The following FCHSD2 variants were observed in gnomAD, a reference collection of about 807,000 sequenced individuals.
FCHSD2 encodes the protein FCH and double SH3 domains 2.
Under a neutral mutation model 108.1 loss-of-function variants are expected in FCHSD2, and 38 were observed. The ratio of observed to expected loss-of-function variants is 0.35; its 90% confidence interval spans 0.27 to 0.46. The LOEUF is 0.46. Among genes scored for constraint, FCHSD2 ranks in the 20% least tolerant of loss-of-function variants. FCHSD2 has a pLI of 1.00. For missense variants in FCHSD2, 751 were observed against 897.8 expected, an observed-to-expected ratio of 0.84 and a Z score of 2.09; for synonymous variants, 279 against 314.7, an observed-to-expected ratio of 0.89 and a Z score of 1.20.
intron 8 of FCHSD2, among the ~76,000 whole-genome samples, chr11:72,954,204 T>A (rs1177214110): frequency 1.4e-5 from 2 of 138,140 alleles, no homozygotes; most frequent in Non-Finnish European, 1.6e-5. Flanking sequence ...GGATTTTTTT[T>A]TTTTTTTTTT....
At chr11:73,060,392 T>C (rs962106826) in intron 3 of FCHSD2, among the ~76,000 whole-genome samples, 4 of 152,242 alleles carry the variant, frequency 2.6e-5, no homozygotes, top group African/African-American at 9.6e-5. Flanking sequence ...TATAATTTCA[T>C]TTCAAACATT....
At chr11:72,924,195 C>T (rs1218871346) in intron 8 of FCHSD2, among the ~76,000 whole-genome samples, 1 of 152,150 alleles carries the variant, frequency 6.6e-6, no homozygotes, top group African/African-American at 2.4e-5. Flanking sequence ...CCTGTCTCAG[C>T]CTCCTAAATA....
In FCHSD2 at chr11:72,973,647, T is replaced by C. The variant is rs571519430; in HGVS notation, c.705+10441A>G. ...GGGGTCACCTGGGAGATTTCCACTG[T>C]ACTGAGAGTGTTTCATTTTTGAAGC... On this transcript the variant is annotated intron_variant, in intron 8 of 19. Transcript: ENST00000409418. 3.3e-5 allele frequency among the ~76,000 whole-genome samples: 5 copies of C among 152,368 alleles called. No individual in the cohort carries two copies. In the South Asian group the frequency reaches 1.0e-3, roughly 32 times the overall value.
rs746447650 is a variant in FCHSD2, at chr11:72,991,089, C to T, written c.388-1992G>A. Among the ~76,000 whole-genome samples, 13 of 152,196 alleles carry T rather than the reference C, an allele frequency of 8.5e-5. 1 individual carries two copies. The South Asian group carries it at 2.1e-3, about 24-fold the overall frequency. On this transcript the variant is annotated intron_variant, in intron 5 of 19. Coordinates refer to ENST00000409418, the MANE Select transcript of FCHSD2 (RefSeq NM_014824.3). ...TCAGAGAATACTATAAACACCTCTA[C>T]GCAAATAAACTAGAAAATCTAGAAG...
intron 2 of FCHSD2, among the ~76,000 whole-genome samples, chr11:73,135,117 G>A (rs1467009275): frequency 6.6e-6 from 1 of 152,222 alleles, no homozygotes; most frequent in Non-Finnish European, 1.5e-5. Flanking sequence ...GCCTCCCAAA[G>A]TGCTGGGATC....
chr11:72,995,110 T>A (rs1000679577), intron 5 of FCHSD2, among the ~76,000 whole-genome samples: 5 of 152,176 alleles, frequency 3.3e-5, no homozygotes. Context: ...TTCTTTCACT[T>A]ATCAAAACAT....
intron 12 of FCHSD2, among the ~76,000 whole-genome samples, chr11:72,878,001 T>A (rs944800893): frequency 4.3e-4 from 66 of 151,966 alleles, no homozygotes; most frequent in African/African-American, 1.4e-3. Flanking sequence ...TCAAAAAAAA[T>A]TTTTTTAAAT....
intron 14 of FCHSD2, among the ~76,000 whole-genome samples, chr11:72,846,055 G>C (rs934627378): frequency 7.1e-4 from 1 of 1,412 alleles, no homozygotes; most frequent in African/African-American, 1.7e-3. Flanking sequence ...CAAATAAATA[G>C]ATAGATAGAT....
At chr11:72,869,256 G>A (rs746858855) in intron 12 of FCHSD2, among the ~76,000 whole-genome samples, 2 of 152,110 alleles carry the variant, frequency 1.3e-5, no homozygotes, top group African/African-American at 2.4e-5. Flanking sequence ...TCAAAAAAAG[G>A]AAATCAAGGC....
intron 9 of FCHSD2, among the ~76,000 whole-genome samples, chr11:72,906,048 C>A (rs1591385636): frequency 6.6e-6 from 1 of 152,336 alleles, no homozygotes; most frequent in South Asian, 2.1e-4. Flanking sequence ...AATTTACACT[C>A]CCACCAACAG....
At chr11:72,978,854 CTT>C (rs1190277188) in intron 8 of FCHSD2, among the ~76,000 whole-genome samples, 4 of 110,880 alleles carry the variant, frequency 3.6e-5, no homozygotes, top group Non-Finnish European at 5.3e-5. Flanking sequence ...GTAGCTCTTT[CTT>C]TTTTTTTTTT....
intron 14 of FCHSD2, among the ~76,000 whole-genome samples, chr11:72,847,125 T>C (rs992437119): frequency 1.3e-5 from 2 of 152,308 alleles, no homozygotes; most frequent in East Asian, 3.9e-4. Flanking sequence ...GCCTCCTGAA[T>C]AGCTAGGACG....
At chr11:73,104,127 CAG>C (rs772421927) in intron 2 of FCHSD2, among the ~76,000 whole-genome samples, 4 of 152,238 alleles carry the variant, frequency 2.6e-5, no homozygotes, top group Non-Finnish European at 4.4e-5. Flanking sequence ...TGGCGGCTAA[CAG>C]TGTAATTCCA....
chr11:73,131,941 C>T (rs1490820849), intron 2 of FCHSD2, among the ~76,000 whole-genome samples: 2 of 152,060 alleles, frequency 1.3e-5, no homozygotes, highest in South Asian at 2.1e-4. Flanking sequence ...CATTCAGAGT[C>T]GAACTCTTCT....
chr11:73,082,589 G>C (rs1859721436), intron 3 of FCHSD2, among the ~76,000 whole-genome samples: 1 of 151,804 alleles, frequency 6.6e-6, no homozygotes, highest in Non-Finnish European at 1.5e-5. Flanking sequence ...TAAAAAATCT[G>C]ACAAAGCCTA....
chr11:73,127,811 G>C (rs1860894137), intron 2 of FCHSD2, among the ~76,000 whole-genome samples: 1 of 151,780 alleles, frequency 6.6e-6, no homozygotes, highest in Non-Finnish European at 1.5e-5. Context: ...TTCACAGCTG[G>C]GTGCAGTGGC....
chr11:73,051,917 CCCA>C (rs1215490720), intron 3 of FCHSD2, among the ~76,000 whole-genome samples: 1 of 145,700 alleles, frequency 6.9e-6, no homozygotes, highest in African/African-American at 2.5e-5. Context: ...ACACACACAC[CCCA>C]CACACACTGA....
chr11:72,984,748 A>C (rs1857280136), intron 7 of FCHSD2, among the ~76,000 whole-genome samples: 1 of 152,220 alleles, frequency 6.6e-6, no homozygotes, highest in African/African-American at 2.4e-5. Context: ...ATCTAAACGA[A>C]ATAGATTTTG....
chr11:73,033,695 G>T (rs1858420093), intron 3 of FCHSD2, among the ~76,000 whole-genome samples: 1 of 152,156 alleles, frequency 6.6e-6, no homozygotes, highest in Non-Finnish European at 1.5e-5. Flanking sequence ...ATAATTTATG[G>T]TTATTGGCAA....
Sources: gnomAD v4.1 joint callset for allele counts (sites outside exome capture counted in the v4.1 genomes callset) on GRCh38, gnomAD v4.1.1 for gene constraint, MANE v1.5 for transcripts, NCBI Gene and HGNC (gene_info 2026-07-23, HGNC 2026-07-21) for gene names.